The following RYR2 variants were observed in gnomAD, a reference collection of about 807,000 sequenced individuals.
RYR2 encodes the protein cardiac muscle ryanodine receptor-calcium release channel.
RYR2 carries 227 observed loss-of-function variants against 601.1 expected under a neutral mutation model. The observed-to-expected ratio is 0.38, with a 90% confidence interval of 0.34 to 0.42. The LOEUF (loss-of-function observed/expected upper bound fraction) is 0.42. RYR2 is among the 10% of genes least tolerant of loss of function. The probability of loss-of-function intolerance (pLI) is 1.00; values close to 1 mark genes in which losing one functional copy is unlikely to be tolerated. For missense variants in RYR2, 4,646 were observed against 6,156.5 expected (o/e 0.75, Z 8.21); for synonymous variants, 2,223 against 2,175.1 (o/e 1.02, Z -0.61).
chr1:237,395,533 C>CTTTT lies in RYR2; in HGVS notation c.773+7378_773+7381dup, dbSNP rs71180022. On this transcript the variant is annotated intron_variant, in intron 10 of 104. Transcript: ENST00000366574. ...AGGACACGTCCGCTAGTAGGACTGTCTTTTTTTTTTTTTTTTTTTTTTTTT... is the reference window on the plus strand; with the variant it reads ...AGGACACGTCCGCTAGTAGGACTGTCTTTTTTTTTTTTTTTTTTTTTTTTTTTTT... 9.6e-4 allele frequency among the ~76,000 whole-genome samples: 84 copies of CTTTT among 87,424 alleles called. 2 individuals carry two copies. The highest frequency in any genetic ancestry group is 1.3e-3 in the Non-Finnish European group (63 of 46,736). The allele number at this position is 87,424 out of a possible 152,430, so 57.4% of individuals were successfully genotyped here.
chr1:237,679,909 G>T lies in RYR2; in HGVS notation c.8896-547G>T, dbSNP rs182397052. Among the ~76,000 whole-genome samples the T allele has an allele frequency of 2.6e-5, 4 of 152,258 alleles. No individual in the cohort carries two copies. In the East Asian group the frequency reaches 5.8e-4, roughly 22 times the overall value. On this transcript the variant is annotated intron_variant, in intron 61 of 104. Coordinates refer to ENST00000366574, the MANE Select transcript of RYR2 (RefSeq NM_001035.3). ...TGGACAGAGTGAGGAGGAGGAATTGGCCCAAGGCCAGCAGGATGAAACATG... is the reference window on the plus strand; with the variant it reads ...TGGACAGAGTGAGGAGGAGGAATTGTCCCAAGGCCAGCAGGATGAAACATG...
At chr1:237,111,274 A>T (rs1307955139) in intron 1 of RYR2, among the ~76,000 whole-genome samples, 1 of 152,230 alleles carries the variant, frequency 6.6e-6, no homozygotes, top group East Asian at 1.9e-4. Flanking sequence ...AGAGTAGAAG[A>T]GGGTGGAGAA....
At position 237,700,271 on chromosome 1, in the gene RYR2, C is replaced by G; in HGVS notation, c.9171C>G (p.Leu3057=). The part of the protein sequence containing the change: ...KTGLESVKSA[L]RAFLDNAAED... Reference sequence around the variant, plus strand: ...GCCTGGAGAGTGTTAAAAGTGCACTCAGAGCTTTTCTGGACAACGCTGCAG... The same window carrying G: ...GCCTGGAGAGTGTTAAAAGTGCACTGAGAGCTTTTCTGGACAACGCTGCAG... The change falls in exon 65 of 105, where the codon CTC becomes CTG. Residue 3057 remains leucine (L), a synonymous_variant. Coordinates refer to ENST00000366574, the MANE Select transcript of RYR2 (RefSeq NM_001035.3). 2.5e-6 allele frequency: 4 copies of G among 1,582,186 alleles called. No individual in the cohort carries two copies. The highest frequency in any genetic ancestry group is 3.4e-6 in the Non-Finnish European group (4 of 1,163,100).
At chr1:237,505,650 G>A (rs1317020152) in intron 22 of RYR2, among the ~76,000 whole-genome samples, 1 of 152,176 alleles carries the variant, frequency 6.6e-6, no homozygotes. Context: ...CATCATGGTA[G>A]AAACTTAAGG....
intron 1 of RYR2, among the ~76,000 whole-genome samples, chr1:237,183,111 T>C (rs569240341): frequency 6.6e-6 from 1 of 152,244 alleles, no homozygotes; most frequent in East Asian, 1.9e-4. Flanking sequence ...ACAAAACAAG[T>C]CGGCTGTTAG....
chr1:237,290,072 A>G (rs937077906), intron 2 of RYR2, among the ~76,000 whole-genome samples: 1 of 152,206 alleles, frequency 6.6e-6, no homozygotes, highest in Non-Finnish European at 1.5e-5. Context: ...GTTTCTACCC[A>G]GAGTCTTGTA....
chr1:237,182,617 C>T (rs891250684), intron 1 of RYR2, among the ~76,000 whole-genome samples: 2 of 152,148 alleles, frequency 1.3e-5, no homozygotes, highest in African/African-American at 4.8e-5. Context: ...TATATATTGT[C>T]TTTGGTGACT....
chr1:237,354,538 G>T (rs112196021), intron 3 of RYR2, among the ~76,000 whole-genome samples: 2 of 152,040 alleles, frequency 1.3e-5, no homozygotes, highest in East Asian at 1.9e-4. Flanking sequence ...AATTTTTTTA[G>T]ATTTTTTTGG....
At chr1:237,284,596 C>T (rs1278118752) in intron 2 of RYR2, among the ~76,000 whole-genome samples, 1 of 85,422 alleles carries the variant, frequency 1.2e-5, no homozygotes, top group South Asian at 4.0e-4. Flanking sequence ...ACACACAGAC[C>T]CACACACACA....
At position 237,469,763 on chromosome 1, in the gene RYR2, G is replaced by A. The variant is rs181326580; in HGVS notation, c.1708+576G>A. The stretch of plus-strand genomic sequence containing the variant: ...GAGACAGTTCATTTTCCAAATCCTA[G>A]AGTGTAATATTTTATTTAAAGGAAA... On this transcript the variant is annotated intron_variant, in intron 17 of 104. Coordinates refer to ENST00000366574, the MANE Select transcript of RYR2 (RefSeq NM_001035.3). 3.7e-3 allele frequency among the ~76,000 whole-genome samples: 565 copies of A among 152,222 alleles called. 2 individuals carry two copies. The highest frequency in any genetic ancestry group is 6.5e-3 in the Admixed American group (99 of 15,284).
chr1:237,507,847 C>A (rs577342700), intron 23 of RYR2, among the ~76,000 whole-genome samples: 1 of 152,346 alleles, frequency 6.6e-6, no homozygotes. Context: ...CTGCAAGTCA[C>A]TGTAAGGCTT....
At chr1:237,650,136 A>G in intron 50 of RYR2, 39 bp downstream of exon 50, 2 of 1,561,886 alleles carry the variant, frequency 1.3e-6, no homozygotes, top group Non-Finnish European at 1.8e-6. Flanking sequence ...TTCTTCTTTA[A>G]AAAACAGAAT....
intron 3 of RYR2, among the ~76,000 whole-genome samples, chr1:237,333,373 C>G (rs1005793844): frequency 6.6e-6 from 1 of 152,172 alleles, no homozygotes; most frequent in Non-Finnish European, 1.5e-5. Context: ...ATATTCATTC[C>G]TAGCTTGCCA....
chr1:237,190,391 A>G (rs1365052209), intron 1 of RYR2, among the ~76,000 whole-genome samples: 1 of 152,124 alleles, frequency 6.6e-6, no homozygotes, highest in Non-Finnish European at 1.5e-5. Context: ...CTTCTTGGCC[A>G]TTTGTATATA....
chr1:237,465,090 G>GCA (rs10610645), intron 16 of RYR2, among the ~76,000 whole-genome samples: 21,020 of 150,100 alleles, frequency 0.14, 1,536 homozygotes, highest in Admixed American at 0.21. Flanking sequence ...ACACACACAT[G>GCA]CACACACACA....
At chr1:237,608,720 A>T (rs1000906463) in intron 35 of RYR2, among the ~76,000 whole-genome samples, 2 of 151,360 alleles carry the variant, frequency 1.3e-5, no homozygotes, top group Admixed American at 1.3e-4. Context: ...ATATTAAAAA[A>T]TGATGAGAGG....
At chr1:237,203,003 G>A (rs1681375268) in intron 1 of RYR2, among the ~76,000 whole-genome samples, 1 of 152,202 alleles carries the variant, frequency 6.6e-6, no homozygotes, top group East Asian at 1.9e-4. Context: ...CTTGGAGGCA[G>A]GGGAGGCAGA....
intron 24 of RYR2, among the ~76,000 whole-genome samples, chr1:237,514,101 T>C (rs1666181521): frequency 6.6e-6 from 1 of 152,250 alleles, no homozygotes; most frequent in Non-Finnish European, 1.5e-5. Flanking sequence ...CTTTGCGCTC[T>C]TGACATGAGG....
At chr1:237,537,639 C>T (rs930293401) in intron 25 of RYR2, among the ~76,000 whole-genome samples, 3 of 151,914 alleles carry the variant, frequency 2.0e-5, no homozygotes, top group Non-Finnish European at 4.4e-5. Flanking sequence ...ATAGATTCAT[C>T]TAATGGCATA....
Sources: allele counts gnomAD v4.1 joint callset (sites outside exome capture counted in the v4.1 genomes callset), GRCh38; gene constraint gnomAD v4.1.1; transcripts MANE v1.5; gene names NCBI Gene and HGNC (gene_info 2026-07-23, HGNC 2026-07-21).